BLTP2: variants seen among roughly 807,000 people sequenced by gnomAD.
BLTP2 encodes bridge-like lipid transfer protein family member 2.
the BLTP2 span, among the ~76,000 whole-genome samples, chr17:28,617,931 C>CTTTTT: frequency 9.3e-5 from 12 of 128,690 alleles, no homozygotes; most frequent in East Asian, 2.2e-4. Context: ...ACCCAATTTT[C>CTTTTT]TTTTTTTTTT....
the BLTP2 span, chr17:28,638,033 C>T: frequency 1.2e-6 from 2 of 1,614,162 alleles, no homozygotes; most frequent in Non-Finnish European, 1.7e-6. Flanking sequence ...TCGAATGGTA[C>T]AATCAAGAAA....
At chr17:28,638,123 G>A in the BLTP2 span, 3 of 1,609,038 alleles carry the variant, frequency 1.9e-6, no homozygotes, top group Non-Finnish European at 2.5e-6. Context: ...GATCCCATTA[G>A]AAGTATGCAG....
At chr17:28,620,734 G>T in the BLTP2 span, 1 of 1,313,682 alleles carries the variant, frequency 7.6e-7, no homozygotes, top group Non-Finnish European at 1.1e-6. Context: ...CAACCCCACA[G>T]AAAGGGTGAG....
At chr17:28,633,356 G>A in the BLTP2 span, 2 of 1,614,048 alleles carry the variant, frequency 1.2e-6, no homozygotes, top group Non-Finnish European at 1.7e-6. Flanking sequence ...TGAAAAGACA[G>A]GTGGCTCCAC....
At chr17:28,631,859 G>T in the BLTP2 span, 1 of 1,614,132 alleles carries the variant, frequency 6.2e-7, no homozygotes, top group Non-Finnish European at 8.5e-7. Flanking sequence ...GTGAAGACAT[G>T]GCCCTGACTG....
At chr17:28,641,063 C>T in the BLTP2 span, among the ~76,000 whole-genome samples, 1 of 152,200 alleles carries the variant, frequency 6.6e-6, no homozygotes, top group African/African-American at 2.4e-5. Context: ...TACAGTCATC[C>T]TTTGGTATCC....
At chr17:28,639,193 G>A in the BLTP2 span, 2 of 930,484 alleles carry the variant, frequency 2.1e-6, no homozygotes, top group Non-Finnish European at 3.5e-6. Context: ...GATTGCTGTT[G>A]AGACTCGGAT....
chr17:28,615,084 T>C, the BLTP2 span: 3 of 1,613,760 alleles, frequency 1.9e-6, no homozygotes, highest in African/African-American at 1.3e-5. Flanking sequence ...CTGCCAAAGA[T>C]GGACTTCTTG....
At chr17:28,616,239 G>C in the BLTP2 span, 1 of 1,599,514 alleles carries the variant, frequency 6.3e-7, no homozygotes. The surrounding 1 kb of genome is among the most constrained non-coding windows in gnomAD (Gnocchi z 4.8). Context: ...GAATCCATCA[G>C]AAGAAACTCA....
At chr17:28,619,774 G>A in the BLTP2 span, 3 of 1,614,092 alleles carry the variant, frequency 1.9e-6, no homozygotes, top group Non-Finnish European at 2.5e-6. Flanking sequence ...ATCCTGCAAA[G>A]ACTAGGGAAC....
the BLTP2 span, among the ~76,000 whole-genome samples, chr17:28,617,995 C>T: frequency 1.3e-3 from 194 of 149,384 alleles, 1 homozygote; most frequent in Admixed American, 9.4e-3. Context: ...TGCAGTGGCA[C>T]GATCTCGGCT....
At chr17:28,635,530 A>T in the BLTP2 span, 1 of 1,614,096 alleles carries the variant, frequency 6.2e-7, no homozygotes, top group Non-Finnish European at 8.5e-7. Context: ...TCGGCACTGT[A>T]GAGTGGCCAG....
the BLTP2 span, chr17:28,624,230 T>C: frequency 2.5e-6 from 4 of 1,613,508 alleles, no homozygotes; most frequent in Non-Finnish European, 3.4e-6. Flanking sequence ...AAAGAGAAGG[T>C]ACCTGACAGT....
At chr17:28,643,542 G>A in the BLTP2 span, 2 of 1,492,046 alleles carry the variant, frequency 1.3e-6, no homozygotes, top group Non-Finnish European at 9.4e-7. Flanking sequence ...CTGCAGAAGA[G>A]TGTCACTCTG....
chr17:28,627,369 C>T, the BLTP2 span, among the ~76,000 whole-genome samples: 1 of 151,990 alleles, frequency 6.6e-6, no homozygotes, highest in Non-Finnish European at 1.5e-5. Flanking sequence ...AAACCCTCCC[C>T]TGATGGTATT....
chr17:28,619,812 G>C, the BLTP2 span: 1 of 1,613,600 alleles, frequency 6.2e-7, no homozygotes, highest in Admixed American at 1.7e-5. Flanking sequence ...GACCGCCCTC[G>C]TTCTAGGAGA....
At chr17:28,628,135 A>T in the BLTP2 span, 2 of 792,176 alleles carry the variant, frequency 2.5e-6, no homozygotes, top group South Asian at 1.8e-5. Flanking sequence ...GTGGCCTAAG[A>T]AGGAAAAATA....
chr17:28,635,661 A>T, the BLTP2 span: 3 of 1,539,748 alleles, frequency 1.9e-6, no homozygotes, highest in Non-Finnish European at 2.6e-6. Context: ...ACAAAACAGT[A>T]GAGATGGCAA....
At chr17:28,635,630 G>C in the BLTP2 span, 11 of 1,590,584 alleles carry the variant, frequency 6.9e-6, no homozygotes, top group Non-Finnish European at 9.4e-6. Flanking sequence ...CAGAAGAAAA[G>C]GATCTGTCAA....
Sources: allele counts gnomAD v4.1 joint callset (sites outside exome capture counted in the v4.1 genomes callset), GRCh38; gene constraint gnomAD v4.1.1; non-coding constraint Gnocchi (gnomAD v3.1); transcripts MANE v1.5; gene names NCBI Gene and HGNC (gene_info 2026-07-23, HGNC 2026-07-21).